Variants in FSTL5 observed in about 807,000 individuals in gnomAD.
The protein encoded by FSTL5 is follistatin like 5, also known as follistatin-related protein 5.
In FSTL5, 62 loss-of-function variants were observed where a neutral mutation model predicts 89.1. The ratio of observed to expected loss-of-function variants is 0.70; its 90% confidence interval spans 0.57 to 0.86. The LOEUF is 0.86. Among genes scored for constraint, FSTL5 ranks in the 40% least tolerant of loss-of-function variants. FSTL5 has a pLI of 0.00. For missense variants in FSTL5, 1,057 were observed against 1,001.6 expected, an observed-to-expected ratio of 1.06 and a Z score of -0.75; for synonymous variants, 383 against 346.2, an observed-to-expected ratio of 1.11 and a Z score of -1.18.
At chr4:161,944,674 G>A (rs1450524710) in intron 3 of FSTL5, among the ~76,000 whole-genome samples, 1 of 151,628 alleles carries the variant, frequency 6.6e-6, no homozygotes, top group Non-Finnish European at 1.5e-5. Context: ...CTTTATCACA[G>A]TAACATGTAT....
At chr4:161,961,179 G>C (rs917738857) in intron 3 of FSTL5, among the ~76,000 whole-genome samples, 1 of 152,006 alleles carries the variant, frequency 6.6e-6, no homozygotes, top group South Asian at 2.1e-4. Context: ...CAATGACACT[G>C]TCTCTGTACC....
intron 3 of FSTL5, among the ~76,000 whole-genome samples, chr4:161,937,099 G>T (rs1734454369): frequency 1.3e-5 from 2 of 151,898 alleles, no homozygotes; most frequent in Admixed American, 1.3e-4. Context: ...TAAACAAACA[G>T]ATTAAAACAA....
At chr4:162,130,586 G>A (rs1434645381) in intron 1 of FSTL5, among the ~76,000 whole-genome samples, 2 of 152,198 alleles carry the variant, frequency 1.3e-5, no homozygotes, top group East Asian at 3.9e-4. Context: ...AAAGAAAACT[G>A]TAGAAAAATC....
chr4:161,438,606 C>T (rs976914396), intron 15 of FSTL5, among the ~76,000 whole-genome samples: 5 of 151,582 alleles, frequency 3.3e-5, no homozygotes, highest in South Asian at 4.2e-4. Context: ...AAAGAACACC[C>T]GAAATTATTT....
chr4:161,755,484 G>A (rs1231996489), intron 6 of FSTL5, among the ~76,000 whole-genome samples: 1 of 152,026 alleles, frequency 6.6e-6, no homozygotes, highest in Non-Finnish European at 1.5e-5. Context: ...AACTCAGGAA[G>A]TCTGTTTACC....
intron 4 of FSTL5, among the ~76,000 whole-genome samples, chr4:161,842,627 T>G (rs1731247709): frequency 6.6e-6 from 1 of 152,100 alleles, no homozygotes; most frequent in East Asian, 1.9e-4. Context: ...AATAGTCTAT[T>G]TATCTTCTCT....
chr4:161,633,155 C>A (rs1387968563), intron 7 of FSTL5, among the ~76,000 whole-genome samples: 1 of 151,682 alleles, frequency 6.6e-6, no homozygotes, highest in East Asian at 1.9e-4. Context: ...GTTGAAGTTG[C>A]TAAATTTATT....
chr4:161,928,895 A>C (rs532895464), intron 3 of FSTL5, among the ~76,000 whole-genome samples: 1 of 151,836 alleles, frequency 6.6e-6, no homozygotes, highest in African/African-American at 2.4e-5. Context: ...TTTAATTATA[A>C]TTAAGTCCAA....
chr4:161,998,681 G>T (rs2111098664), intron 3 of FSTL5, among the ~76,000 whole-genome samples: 1 of 152,214 alleles, frequency 6.6e-6, no homozygotes, highest in South Asian at 2.1e-4. Context: ...AAGAGAATTT[G>T]ACTGAATTGC....
chr4:161,466,611 C>A (rs1234241504), intron 13 of FSTL5, among the ~76,000 whole-genome samples: 1 of 152,126 alleles, frequency 6.6e-6, no homozygotes. Context: ...AGAACTTGAT[C>A]GTACTCCATA....
intron 4 of FSTL5, among the ~76,000 whole-genome samples, chr4:161,861,096 C>T (rs1731896294): frequency 1.3e-5 from 2 of 152,090 alleles, no homozygotes; most frequent in Non-Finnish European, 2.9e-5. Context: ...TATTATCCTA[C>T]TAGAGTGTAT....
chr4:161,722,793 T>G (rs1048748394), intron 6 of FSTL5, among the ~76,000 whole-genome samples: 1 of 152,200 alleles, frequency 6.6e-6, no homozygotes, highest in African/African-American at 2.4e-5. Flanking sequence ...CTTTTAAAAC[T>G]AAATATGCTA....
At chr4:161,823,388 A>G (rs952365575) in intron 4 of FSTL5, among the ~76,000 whole-genome samples, 4 of 152,138 alleles carry the variant, frequency 2.6e-5, no homozygotes, top group Admixed American at 2.6e-4. Flanking sequence ...TCAATGCCAA[A>G]AGTTTCAGAG....
chr4:161,762,312 G>GA (rs1462180329), intron 5 of FSTL5, among the ~76,000 whole-genome samples: 3 of 152,102 alleles, frequency 2.0e-5, no homozygotes, highest in Non-Finnish European at 4.4e-5. Context: ...TGGTCAAAAA[G>GA]AAAGTATGAA....
At chr4:161,628,359 T>G (rs1439438701) in intron 7 of FSTL5, among the ~76,000 whole-genome samples, 1 of 152,172 alleles carries the variant, frequency 6.6e-6, no homozygotes, top group Non-Finnish European at 1.5e-5. Flanking sequence ...GAAATTAAAG[T>G]ATCAGTGGGG....
intron 5 of FSTL5, among the ~76,000 whole-genome samples, 187 bp downstream of exon 5, chr4:161,775,691 A>T: frequency 6.6e-6 from 1 of 152,052 alleles, no homozygotes; most frequent in South Asian, 2.1e-4. Context: ...AACACCATAT[A>T]AATGTTACTT....
intron 13 of FSTL5, among the ~76,000 whole-genome samples, chr4:161,470,816 ATC>A (rs751058912): frequency 3.4e-4 from 52 of 152,198 alleles, no homozygotes; most frequent in Non-Finnish European, 6.8e-4. Flanking sequence ...TTCTTTGTTA[ATC>A]TCTACGTATT....
chr4:161,746,002 A>T (rs1740189950), intron 6 of FSTL5, among the ~76,000 whole-genome samples: 1 of 152,108 alleles, frequency 6.6e-6, no homozygotes, highest in Non-Finnish European at 1.5e-5. Context: ...GACAAGTTCA[A>T]TTTTTTATCC....
intron 12 of FSTL5, among the ~76,000 whole-genome samples, chr4:161,481,784 G>A (rs1156483777): frequency 2.0e-5 from 3 of 152,046 alleles, no homozygotes; most frequent in African/African-American, 4.8e-5. Flanking sequence ...CTGCCTTCTG[G>A]TTGAAGACTG....
Sources: gnomAD v4.1 joint callset for allele counts (sites outside exome capture counted in the v4.1 genomes callset) on GRCh38, gnomAD v4.1.1 for gene constraint, MANE v1.5 for transcripts, NCBI Gene and HGNC (gene_info 2026-07-23, HGNC 2026-07-21) for gene names.